The following IMPG2 variants were observed in gnomAD, a reference collection of about 807,000 sequenced individuals.
IMPG2 encodes interphotoreceptor matrix proteoglycan 2, also known as IPM 200.
Under a neutral mutation model 129.2 loss-of-function variants are expected in IMPG2, and 91 were observed. That is an observed-to-expected ratio of 0.70 (90% confidence interval 0.59 to 0.84). The LOEUF is 0.84. Among genes scored for constraint, IMPG2 ranks in the 40% least tolerant of loss-of-function variants. IMPG2 has a pLI of 0.00. For synonymous variants in IMPG2, 510 were observed against 517.7 expected (o/e 0.99, Z 0.20); for missense variants, 1,430 against 1,461.7 (o/e 0.98, Z 0.35).
chr3:101,236,368 C>T (rs960841095), intron 14 of IMPG2, among the ~76,000 whole-genome samples: 1 of 152,180 alleles, frequency 6.6e-6, no homozygotes, highest in South Asian at 2.1e-4. Flanking sequence ...ATGCAGCTGA[C>T]ATGTGAGTTA....
intron 4 of IMPG2, among the ~76,000 whole-genome samples, chr3:101,285,524 A>G (rs570389439): frequency 7.1e-4 from 108 of 152,326 alleles, no homozygotes; most frequent in African/African-American, 2.3e-3. Context: ...TAAAATTTCA[A>G]TATCTCTCCT....
intron 14 of IMPG2, 82 bp from the exon 15 acceptor site, chr3:101,233,073 C>T (rs2107208247): frequency 7.8e-7 from 1 of 1,278,514 alleles, no homozygotes; most frequent in East Asian, 2.3e-5. Context: ...TAAAGTTCTC[C>T]CCCAAAGTAT....
At chr3:101,239,847 C>T (rs1353345675) in intron 14 of IMPG2, among the ~76,000 whole-genome samples, 1 of 152,138 alleles carries the variant, frequency 6.6e-6, no homozygotes, top group Non-Finnish European at 1.5e-5. Flanking sequence ...CATGTTCTCA[C>T]TCATAAGTGG....
At chr3:101,254,985 T>C (rs1173663456) in intron 10 of IMPG2, among the ~76,000 whole-genome samples, 3 of 151,964 alleles carry the variant, frequency 2.0e-5, no homozygotes, top group South Asian at 2.1e-4. Context: ...TGCTCCACCA[T>C]GGTAAGACGT....
chr3:101,240,660 A>G (rs988970037), intron 14 of IMPG2, among the ~76,000 whole-genome samples: 6 of 152,192 alleles, frequency 3.9e-5, no homozygotes, highest in Non-Finnish European at 8.8e-5. Flanking sequence ...AGAAGAAGAA[A>G]TCATTCCTTA....
At chr3:101,295,137 G>T (rs112388661) in intron 3 of IMPG2, among the ~76,000 whole-genome samples, 1,691 of 152,212 alleles carry the variant, frequency 0.011, 33 homozygotes, top group African/African-American at 0.038. Flanking sequence ...TAGCATTTTC[G>T]TCATGAAGTC....
At chr3:101,237,525 GC>G (rs137871315) in intron 14 of IMPG2, among the ~76,000 whole-genome samples, 17 of 152,286 alleles carry the variant, frequency 1.1e-4, no homozygotes, top group Non-Finnish European at 2.2e-4. Context: ...GAAGGAACAG[GC>G]AGCAATCTTT....
At chr3:101,235,379 T>C (rs1158002508) in intron 14 of IMPG2, among the ~76,000 whole-genome samples, 1 of 152,236 alleles carries the variant, frequency 6.6e-6, no homozygotes, top group Non-Finnish European at 1.5e-5. Flanking sequence ...ATTTCAGATT[T>C]CAGATTTTCA....
intron 14 of IMPG2, among the ~76,000 whole-genome samples, chr3:101,236,508 T>A (rs968569291): frequency 5.9e-5 from 9 of 152,030 alleles, no homozygotes; most frequent in Admixed American, 6.6e-5. Context: ...ACCTGGCTCA[T>A]CTCATTGGGA....
At chr3:101,286,815 A>G (rs1009677638) in intron 4 of IMPG2, among the ~76,000 whole-genome samples, 1 of 152,172 alleles carries the variant, frequency 6.6e-6, no homozygotes, top group Non-Finnish European at 1.5e-5. Flanking sequence ...GCACAGAAAG[A>G]TGGGACAGTT....
In IMPG2 at chr3:101,267,493, G is replaced by C. The variant is rs749812968; in HGVS notation, c.908+18C>G. 8 of 1,608,064 alleles carry C rather than the reference G, an allele frequency of 5.0e-6. No homozygotes were observed. Among genetic ancestry groups the C allele is most frequent in the Non-Finnish European group, 6.8e-6 (8 of 1,174,816 alleles). ...GTCTCCCAATTCAATGGACATTAGA[G>C]AAAGTGCCAAAAAGTACCTGTCATT... On this transcript the variant is annotated intron_variant, in intron 9 of 18. Transcript: ENST00000193391.
At chr3:101,287,757 T>G (rs538542050) in intron 4 of IMPG2, among the ~76,000 whole-genome samples, 1 of 152,202 alleles carries the variant, frequency 6.6e-6, no homozygotes, top group South Asian at 2.1e-4. Flanking sequence ...TGATTAAATA[T>G]TTAAATGTAA....
intron 15 of IMPG2, among the ~76,000 whole-genome samples, chr3:101,232,123 A>T (rs1706294121): frequency 6.6e-6 from 1 of 152,206 alleles, no homozygotes; most frequent in Non-Finnish European, 1.5e-5. Flanking sequence ...ACGTGATCTT[A>T]TGCCTAAACC....
At chr3:101,264,429 C>T (rs1456904353) in intron 9 of IMPG2, among the ~76,000 whole-genome samples, 1 of 151,958 alleles carries the variant, frequency 6.6e-6, no homozygotes, top group East Asian at 1.9e-4. Context: ...TACATCACAT[C>T]AGCAGAATGA....
At chr3:101,233,219 T>C (rs1706309413) in intron 14 of IMPG2, among the ~76,000 whole-genome samples, 2 of 152,204 alleles carry the variant, frequency 1.3e-5, no homozygotes, top group Non-Finnish European at 2.9e-5. Context: ...TAAAACCCTA[T>C]GACCTATCTA....
At chr3:101,276,749 A>T in intron 4 of IMPG2, 36 bp from the exon 5 acceptor site, 1 of 1,496,630 alleles carries the variant, frequency 6.7e-7, no homozygotes, top group South Asian at 1.1e-5. Context: ...ATAAAATGAC[A>T]GACACATGAG....
rs1028923375 is a variant in IMPG2, at chr3:101,226,314, T to C, written c.*655A>G. ...CCTGAAAACTAAGAAAAAAAGGATATTAACATAGTTAACATAACAATAACA... is the reference window on the plus strand; with the variant it reads ...CCTGAAAACTAAGAAAAAAAGGATACTAACATAGTTAACATAACAATAACA... On this transcript the variant is annotated 3_prime_UTR_variant, in exon 19 of 19. Transcript: ENST00000193391. 3.1e-5 allele frequency: 4 copies of C among 128,978 alleles called. No homozygotes were observed. Among genetic ancestry groups the C allele is most frequent in the Non-Finnish European group, 6.6e-5 (4 of 60,276 alleles). 8.0% of individuals were successfully genotyped at this position (128,978 alleles called of 1,614,324 possible).
intron 10 of IMPG2, among the ~76,000 whole-genome samples, chr3:101,256,145 A>AAAAGAAAGAAAGAAAGAAAGAAAAG (rs1706599203): frequency 1.3e-5 from 1 of 77,538 alleles, no homozygotes; most frequent in African/African-American, 5.2e-5. Flanking sequence ...AGAAAGAAAG[A>AAAAGAAAGAAAGAAAGAAAGAAAAG]AAAGAAAGAA....
At chr3:101,285,703 G>A (rs781752507) in intron 4 of IMPG2, among the ~76,000 whole-genome samples, 4 of 152,118 alleles carry the variant, frequency 2.6e-5, no homozygotes, top group Non-Finnish European at 4.4e-5. Flanking sequence ...TTTGAAGTTA[G>A]TGCCTTTGAA....
Sources: allele counts gnomAD v4.1 joint callset (sites outside exome capture counted in the v4.1 genomes callset), GRCh38; gene constraint gnomAD v4.1.1; transcripts MANE v1.5; gene names NCBI Gene and HGNC (gene_info 2026-07-23, HGNC 2026-07-21).